The following MGST1 variants were observed in gnomAD, a reference collection of about 807,000 sequenced individuals.
MGST1 encodes microsomal glutathione S-transferase 1, also known as glutathione S-transferase 12.
MGST1 carries 5 observed loss-of-function variants against 8.9 expected under a neutral mutation model. The observed-to-expected ratio is 0.56, with a 90% confidence interval of 0.29 to 1.19. MGST1 has a LOEUF of 1.19. Ranked by LOEUF, MGST1 falls within the 50% of genes most tolerant of loss-of-function variation. The pLI is 0.08. For missense variants in MGST1, 182 were observed against 187.4 expected (o/e 0.97, Z 0.17); for synonymous variants, 54 against 67.8 (o/e 0.80, Z 1.00).
intron 4 of MGST1, among the ~76,000 whole-genome samples, chr12:16,523,595 T>G (rs1472271334): frequency 6.6e-6 from 1 of 152,108 alleles, no homozygotes. Context: ...TCACTGTATG[T>G]TACAAGACGG....
At chr12:16,516,454 A>C (rs1395544249) in intron 4 of MGST1, among the ~76,000 whole-genome samples, 1 of 152,228 alleles carries the variant, frequency 6.6e-6, no homozygotes, top group Non-Finnish European at 1.5e-5. Flanking sequence ...TCAATTGGGC[A>C]TCAGAAGACC....
Position 16,422,485 on chromosome 12 carries a change from G to A in MGST1, n.779-14903G>A, listed in dbSNP as rs560133038. ...TGTCCTTTTCTGTCTCCATTATCAG[G>A]TCAAAAGGAAACACACATGATGCCA... On this transcript the variant is annotated intron_variant and non_coding_transcript_variant, in intron 1 of 1. Coordinates refer to the MGST1 transcript ENST00000359720. Among the ~76,000 whole-genome samples, 28 of 152,148 alleles carry A rather than the reference G, an allele frequency of 1.8e-4. No homozygotes were observed. In the South Asian group the frequency reaches 5.2e-3, roughly 28 times the overall value.
intron 1 of MGST1, among the ~76,000 whole-genome samples, chr12:16,425,381 C>T (rs1331564324): frequency 6.6e-6 from 1 of 152,084 alleles, no homozygotes; most frequent in Non-Finnish European, 1.5e-5. Flanking sequence ...CTCCTGGGCT[C>T]AAGTGATTCT....
exon 1 of MGST1, chr12:16,383,437 T>A (rs1689126615): frequency 6.6e-6 from 1 of 152,120 alleles, no homozygotes; most frequent in African/African-American, 2.4e-5. Context: ...TTTTTCCAAG[T>A]CTTTTTCTTT....
intron 1 of MGST1, among the ~76,000 whole-genome samples, chr12:16,408,030 CAAA>C (rs200073692): frequency 6.8e-5 from 3 of 44,098 alleles, no homozygotes; most frequent in Admixed American, 4.3e-4. Context: ...GACTCTGTCT[CAAA>C]AAAAAAAAAA....
intron 3 of MGST1, among the ~76,000 whole-genome samples, chr12:16,375,912 T>G (rs1940371943): frequency 6.6e-6 from 1 of 151,980 alleles, no homozygotes; most frequent in African/African-American, 2.4e-5. Context: ...GACTCTAGAC[T>G]AAATGAATAC....
chr12:16,400,737 C>T, intron 1 of MGST1: 1 of 1,284,972 alleles, frequency 7.8e-7, no homozygotes, highest in Admixed American at 1.7e-5. Context: ...GTATAATCTC[C>T]TTCCACGGAC....
At chr12:16,473,265 A>T (rs946221431) in intron 4 of MGST1, among the ~76,000 whole-genome samples, 6 of 152,174 alleles carry the variant, frequency 3.9e-5, no homozygotes, top group Non-Finnish European at 5.9e-5. Flanking sequence ...TGGTACAGGC[A>T]TATAGGAGTT....
chr12:16,577,586 T>C (rs574163336), intron 4 of MGST1, among the ~76,000 whole-genome samples: 1 of 152,294 alleles, frequency 6.6e-6, no homozygotes, highest in South Asian at 2.1e-4. Context: ...GAATTTCCCC[T>C]GTTCACAAAA....
intron 4 of MGST1, among the ~76,000 whole-genome samples, chr12:16,492,978 A>G (rs1479854074): frequency 6.6e-6 from 1 of 152,158 alleles, no homozygotes; most frequent in Admixed American, 6.5e-5. Context: ...CACAATCAAA[A>G]TATGCCATTA....
At chr12:16,474,740 C>T (rs1271340731) in intron 4 of MGST1, among the ~76,000 whole-genome samples, 1 of 152,108 alleles carries the variant, frequency 6.6e-6, no homozygotes, top group Non-Finnish European at 1.5e-5. Context: ...AGAGCAATAA[C>T]AGTAATATTG....
downstream of MGST1, among the ~76,000 whole-genome samples, chr12:16,380,079 T>C (rs1940434684): frequency 6.6e-6 from 1 of 152,182 alleles, no homozygotes; most frequent in African/African-American, 2.4e-5. Flanking sequence ...TTTGTTGATC[T>C]TTTCAAAAAA....
At position 16,513,755 on chromosome 12, in the gene MGST1, G is replaced by C. The variant is rs781511928; in HGVS notation, n.483-75773G>C. The C allele has an allele frequency of 6.9e-6, 4 of 578,006 alleles. No homozygotes were observed. The highest frequency in any genetic ancestry group is 1.9e-5 in the Admixed American group (1 of 52,786). The allele number at this position is 578,006 out of a possible 1,614,324, so 35.8% of individuals were successfully genotyped here. ...AATAGCGAAGTCTCGAAAAGTGGCCGGTTTGTCACTGTGCAGACCATTTCT... is the reference window on the plus strand; with the variant it reads ...AATAGCGAAGTCTCGAAAAGTGGCCCGTTTGTCACTGTGCAGACCATTTCT... On this transcript the variant is annotated intron_variant and non_coding_transcript_variant, in intron 4 of 4. Transcript: ENST00000538857. This position sits in a 1 kb window ranked among gnomAD's most constrained non-coding sequence, Gnocchi z 4.2.
intron 4 of MGST1, among the ~76,000 whole-genome samples, chr12:16,447,542 G>T (rs1941089866): frequency 6.6e-6 from 1 of 151,900 alleles, no homozygotes; most frequent in Admixed American, 6.6e-5. Flanking sequence ...AAACTTTGGG[G>T]AACCCAAATC....
At position 16,401,882 on chromosome 12, in the gene MGST1, G is replaced by A. The variant is rs114622129; in HGVS notation, n.778+18278G>A. 8.7e-3 allele frequency: 13,975 copies of A among 1,603,542 alleles called. 966 individuals carry two copies. In the African/African-American group the frequency reaches 0.16, roughly 18 times the overall value. Reference sequence around the variant, plus strand: ...TGCCAGCTGCTTTCTTCATTAATTTGAGCTCCCCATCCTCCCTTACAGCGA... The same window carrying A: ...TGCCAGCTGCTTTCTTCATTAATTTAAGCTCCCCATCCTCCCTTACAGCGA... On this transcript the variant is annotated intron_variant and non_coding_transcript_variant, in intron 1 of 1. Coordinates refer to the MGST1 transcript ENST00000359720. The surrounding 1 kb of genome is among the most constrained non-coding windows in gnomAD (Gnocchi z 4.3).
chr12:16,395,306 T>C (rs1353268038), intron 1 of MGST1, among the ~76,000 whole-genome samples: 1 of 152,162 alleles, frequency 6.6e-6, no homozygotes, highest in Non-Finnish European at 1.5e-5. Context: ...GAAGTATCCA[T>C]ATATGTCCGT....
intron 4 of MGST1, among the ~76,000 whole-genome samples, chr12:16,494,440 T>G (rs185295926): frequency 6.6e-6 from 1 of 152,272 alleles, no homozygotes; most frequent in Non-Finnish European, 1.5e-5. Context: ...ATTTCATAAG[T>G]TTGAGTATGA....
intron 4 of MGST1, among the ~76,000 whole-genome samples, chr12:16,490,016 A>G (rs1386407289): frequency 2.0e-5 from 3 of 152,170 alleles, no homozygotes; most frequent in Non-Finnish European, 4.4e-5. Context: ...TAATCCCAGC[A>G]CTTTGGAGGC....
chr12:16,557,350 C>T (rs1942228807), intron 4 of MGST1, among the ~76,000 whole-genome samples: 2 of 147,472 alleles, frequency 1.4e-5, no homozygotes, highest in South Asian at 4.3e-4. Context: ...TATCTTTCAT[C>T]CCTTAAGGTG....
Sources: gnomAD v4.1 joint callset for allele counts (sites outside exome capture counted in the v4.1 genomes callset) on GRCh38, gnomAD v4.1.1 for gene constraint, Gnocchi (gnomAD v3.1) non-coding constraint, MANE v1.5 for transcripts, NCBI Gene and HGNC (gene_info 2026-07-23, HGNC 2026-07-21) for gene names.